The following TNPO3 variants were observed in gnomAD, a reference collection of about 807,000 sequenced individuals.
TNPO3 encodes transportin-3.
In TNPO3, 65 loss-of-function variants were observed where a neutral mutation model predicts 122.8. That is an observed-to-expected ratio of 0.53 (90% CI 0.43 to 0.65). The LOEUF (loss-of-function observed/expected upper bound fraction) is 0.65. Among genes scored for constraint, TNPO3 ranks in the 30% least tolerant of loss-of-function variants. TNPO3 has a pLI of 0.00. For synonymous variants in TNPO3, 372 were observed against 411.2 expected (o/e 0.90, Z 1.15); for missense variants, 850 against 1,136.7 (o/e 0.75, Z 3.63).
chr7:129,041,511 A>T, intron 1 of TNPO3: 3 of 977,232 alleles, frequency 3.1e-6, no homozygotes, highest in Non-Finnish European at 3.6e-6. Flanking sequence ...GAAGAGAATC[A>T]AGGAAGGAAA....
Position 128,994,815 on chromosome 7 carries a change from G to A in TNPO3, c.1159-901C>T, listed in dbSNP as rs545748077. Among the ~76,000 whole-genome samples, 15 of 151,946 alleles carry A rather than the reference G, an allele frequency of 9.9e-5. No individual in the cohort carries two copies. The East Asian group carries it at 2.7e-3, about 28-fold the overall frequency. ...TGGGACTATAGGCATGCACCACCAC[G>A]CTTGGCTAATTTTTATATTTTTTGT... On this transcript the variant is annotated intron_variant, in intron 8 of 22. Coordinates refer to ENST00000265388, the MANE Select transcript of TNPO3 (RefSeq NM_012470.4).
chr7:128,975,080 G>T, intron 17 of TNPO3, 118 bp from the exon 18 acceptor site: 1 of 742,434 alleles, frequency 1.3e-6, no homozygotes, highest in Non-Finnish European at 2.2e-6. Context: ...GCACAGCTGG[G>T]AAAAGAAAAA....
At chr7:129,032,947 T>C (rs1167927275) in intron 1 of TNPO3, among the ~76,000 whole-genome samples, 1 of 152,132 alleles carries the variant, frequency 6.6e-6, no homozygotes, top group Non-Finnish European at 1.5e-5. Flanking sequence ...TCAACACTTA[T>C]TACAAAGCCA....
rs1053963404 is a variant in TNPO3, at chr7:128,974,933, T to C, written c.2208A>G (p.Leu736=). The part of the protein sequence containing the change: ...QALCIPTFQL[L]EQQNGLQNHP... ...GATTCTGGAGACCATTCTGCTGTTC[T>C]AGGAGCTGAAAGGTGGGGATGCACA... Residue 736 remains leucine, a synonymous_variant, in exon 18 of 23, where the codon CTA becomes CTG. Coordinates refer to ENST00000265388, the MANE Select transcript of TNPO3 (RefSeq NM_012470.4). 1 of 1,614,224 alleles carries C rather than the reference T, an allele frequency of 6.2e-7. No homozygotes were observed.
At chr7:129,038,173 T>C (rs953698424) in intron 1 of TNPO3, among the ~76,000 whole-genome samples, 2 of 152,090 alleles carry the variant, frequency 1.3e-5, no homozygotes, top group Non-Finnish European at 2.9e-5. Flanking sequence ...AGAGCAGACT[T>C]CTTGTCAACA....
chr7:128,989,928 T>A, intron 11 of TNPO3, 33 bp downstream of exon 11: 1 of 1,598,284 alleles, frequency 6.3e-7, no homozygotes, highest in Non-Finnish European at 8.6e-7. Context: ...AAATGACAAG[T>A]TAGAAGTGGC....
intron 1 of TNPO3, among the ~76,000 whole-genome samples, chr7:129,036,670 T>A (rs921403): frequency 0.63 from 96,346 of 151,944 alleles, 30,880 homozygotes; most frequent in Middle Eastern, 0.71. Context: ...GGAGTAGGGC[T>A]TTATAAGGTG....
At chr7:129,035,567 G>T (rs1265954275) in intron 1 of TNPO3, among the ~76,000 whole-genome samples, 1 of 152,058 alleles carries the variant, frequency 6.6e-6, no homozygotes, top group Non-Finnish European at 1.5e-5. Flanking sequence ...AGTGAGCCTT[G>T]ATCACACCAT....
intron 6 of TNPO3, among the ~76,000 whole-genome samples, chr7:129,000,815 CTT>C (rs1801864704): frequency 6.6e-6 from 1 of 152,190 alleles, no homozygotes; most frequent in South Asian, 2.1e-4. Flanking sequence ...TCAAATCACA[CTT>C]GATATTTTAA....
intron 1 of TNPO3, among the ~76,000 whole-genome samples, chr7:129,033,775 T>C (rs1349601590): frequency 6.6e-6 from 1 of 151,952 alleles, no homozygotes; most frequent in African/African-American, 2.4e-5. Flanking sequence ...TAGCCGGACA[T>C]GGTGGCGCAT....
intron 21 of TNPO3, among the ~76,000 whole-genome samples, chr7:128,959,617 T>C (rs981080565): frequency 6.6e-6 from 1 of 152,224 alleles, no homozygotes; most frequent in Admixed American, 6.5e-5. Context: ...CAGGTGACAC[T>C]GTCAACTTGG....
At chr7:129,022,400 A>AAATAAATG (rs1254110822) in intron 1 of TNPO3, among the ~76,000 whole-genome samples, 2 of 151,970 alleles carry the variant, frequency 1.3e-5, no homozygotes, top group African/African-American at 4.8e-5. Context: ...GAGGAAGAGT[A>AAATAAATG]AATAAATGAA....
At chr7:129,029,027 C>T in intron 1 of TNPO3, 1 of 374,418 alleles carries the variant, frequency 2.7e-6, no homozygotes, top group East Asian at 7.8e-5. Flanking sequence ...TGTCATGGAC[C>T]TTAGAGACAT....
At chr7:129,041,997 A>T (rs897218224) in intron 1 of TNPO3, among the ~76,000 whole-genome samples, 3 of 152,148 alleles carry the variant, frequency 2.0e-5, no homozygotes, top group African/African-American at 7.2e-5. Context: ...AAAACTGCCA[A>T]ATCAACCAAA....
At chr7:129,038,709 T>C (rs1295327486) in intron 1 of TNPO3, among the ~76,000 whole-genome samples, 1 of 152,236 alleles carries the variant, frequency 6.6e-6, no homozygotes, top group East Asian at 1.9e-4. Flanking sequence ...GAGGCCATTA[T>C]CCTTAGCAAA....
At chr7:128,993,495 A>G (rs1319028196) in intron 9 of TNPO3, among the ~76,000 whole-genome samples, 2 of 152,210 alleles carry the variant, frequency 1.3e-5, no homozygotes, top group Non-Finnish European at 2.9e-5. Flanking sequence ...CTAGGTCCAA[A>G]TTCCCTATAA....
Position 129,045,089 on chromosome 7 carries a change from T to C in TNPO3, c.120+9562A>G, listed in dbSNP as rs902645918. Among the ~76,000 whole-genome samples the C allele has an allele frequency of 1.1e-4, 16 of 152,266 alleles. No individual in the cohort carries two copies. In the East Asian group the frequency reaches 2.9e-3, roughly 27 times the overall value. On this transcript the variant is annotated intron_variant, in intron 1 of 22. Transcript: ENST00000265388. ...CTGAAGATATTATGCTAAGTGAGAA[T>C]AGCCCATCACAAAAAGGCTAAATAC...
intron 21 of TNPO3, among the ~76,000 whole-genome samples, chr7:128,962,936 CAT>C (rs958376490): frequency 6.6e-6 from 1 of 152,048 alleles, no homozygotes; most frequent in African/African-American, 2.4e-5. Context: ...TTTTATCTGT[CAT>C]ATATTAGTCC....
Position 128,990,112 on chromosome 7 carries a change from CG to C in TNPO3, c.1359-13del. 1 of 1,614,126 alleles carries C rather than the reference CG, an allele frequency of 6.2e-7. No individual in the cohort carries two copies. Among genetic ancestry groups the C allele is most frequent in the Non-Finnish European group, 8.5e-7 (1 of 1,180,006 alleles). ...TTGGATTGTTTTCCCTGAGTACAGGCGGTAAGTACTCACAGTTACTGATTTC... is the reference window on the plus strand; with the variant it reads ...TTGGATTGTTTTCCCTGAGTACAGGCGTAAGTACTCACAGTTACTGATTTC... On this transcript the variant is annotated splice_polypyrimidine_tract_variant and intron_variant, in intron 10 of 22. Transcript: ENST00000265388.
Sources: allele counts gnomAD v4.1 joint callset (sites outside exome capture counted in the v4.1 genomes callset), GRCh38; gene constraint gnomAD v4.1.1; transcripts MANE v1.5; gene names NCBI Gene and HGNC (gene_info 2026-07-23, HGNC 2026-07-21).